The following ARID3A variants were observed in gnomAD, a reference collection of about 807,000 sequenced individuals.
ARID3A encodes the protein AT-rich interaction domain 3A, also known as AT-rich interactive domain-containing protein 3A.
In ARID3A, 11 loss-of-function variants were observed where a neutral mutation model predicts 52.7. That is an observed-to-expected ratio of 0.21 (90% confidence interval 0.13 to 0.35). The LOEUF (loss-of-function observed/expected upper bound fraction) is 0.35, where lower values mean the gene tolerates loss of function less well. ARID3A is among the 10% of genes least tolerant of loss of function. The probability of loss-of-function intolerance (pLI) is 1.00; values close to 1 mark genes in which losing one functional copy is unlikely to be tolerated. For synonymous variants in ARID3A, 404 were observed against 359.4 expected (o/e 1.12, Z -1.40); for missense variants, 721 against 838.5 (o/e 0.86, Z 1.73).
intron 3 of ARID3A, among the ~76,000 whole-genome samples, chr19:954,559 G>C (rs893081522): frequency 1.3e-5 from 2 of 152,254 alleles, no homozygotes; most frequent in Non-Finnish European, 2.9e-5. Flanking sequence ...GCAGACAGAC[G>C]AGAGACAAAT....
intron 2 of ARID3A, among the ~76,000 whole-genome samples, chr19:932,034 G>T: frequency 6.6e-6 from 1 of 151,526 alleles, no homozygotes; most frequent in Non-Finnish European, 1.5e-5. Context: ...CTTGCTCTGT[G>T]GCCCAGGCTG....
At chr19:940,315 A>G (rs1159573724) in intron 3 of ARID3A, among the ~76,000 whole-genome samples, 2 of 152,088 alleles carry the variant, frequency 1.3e-5, no homozygotes, top group Admixed American at 6.6e-5. Flanking sequence ...ATTGCAAAAA[A>G]ACTCTCATCG....
At chr19:955,577 G>A (rs349313) in intron 3 of ARID3A, among the ~76,000 whole-genome samples, 122,826 of 152,194 alleles carry the variant, frequency 0.81, 50,414 homozygotes, top group Middle Eastern at 0.89. Context: ...TTCCCCATCC[G>A]GGATGTGAGG....
At chr19:927,613 G>T (rs950344615) in intron 1 of ARID3A, among the ~76,000 whole-genome samples, 3 of 148,862 alleles carry the variant, frequency 2.0e-5, no homozygotes, top group African/African-American at 7.5e-5. Flanking sequence ...TTGTCTTGAA[G>T]TTGTCCCAGG....
Position 944,320 on chromosome 19 carries a change from CA to C in ARID3A, c.693+11579del, listed in dbSNP as rs917653005. 5.6e-5 allele frequency among the ~76,000 whole-genome samples: 8 copies of C among 142,692 alleles called. No individual in the cohort carries two copies. Among genetic ancestry groups the C allele is most frequent in the African/African-American group, 2.1e-4 (8 of 37,788 alleles). The allele number at this position is 142,692 out of a possible 152,430, so 93.6% of individuals were successfully genotyped here. ...GTGTGTCTGGCTGCAGGGGCGCGTC[CA>C]GGGGGTGTGTGTGTGTGTGTGTGTG... On this transcript the variant is annotated intron_variant, in intron 3 of 8. Coordinates refer to ENST00000263620, the MANE Select transcript of ARID3A (RefSeq NM_005224.3). The surrounding 1 kb of genome is among the most constrained non-coding windows in gnomAD (Gnocchi z 5.9).
At chr19:951,174 C>G (rs117687914) in intron 3 of ARID3A, among the ~76,000 whole-genome samples, 5,809 of 152,168 alleles carry the variant, frequency 0.038, 166 homozygotes, top group Non-Finnish European at 0.057. Context: ...TGAGGCTGAT[C>G]TCAAACTCCT....
chr19:940,865 A>T (rs1239658263), intron 3 of ARID3A, among the ~76,000 whole-genome samples: 1 of 151,848 alleles, frequency 6.6e-6, no homozygotes, highest in Non-Finnish European at 1.5e-5. Context: ...CGCCCGCCTC[A>T]TCAAAGCCAC....
chr19:965,955 G>A lies in ARID3A; in HGVS notation c.1199-617G>A, dbSNP rs554275436. 6.8e-5 allele frequency among the ~76,000 whole-genome samples: 10 copies of A among 146,608 alleles called. No homozygotes were observed. In the East Asian group the frequency reaches 1.6e-3, roughly 24 times the overall value. ...TGCGGTGAGCCAAGATCACGTCACT[G>A]CATTCCAGCCTCAGCGACAGAGTGA... is the stretch of plus-strand genomic sequence containing the variant. On this transcript the variant is annotated intron_variant, in intron 6 of 8. Coordinates refer to ENST00000263620, the MANE Select transcript of ARID3A (RefSeq NM_005224.3).
At chr19:969,484 T>C (rs1417105741) in intron 8 of ARID3A, among the ~76,000 whole-genome samples, 1 of 148,882 alleles carries the variant, frequency 6.7e-6, no homozygotes, top group African/African-American at 2.5e-5. Context: ...TTGCAGTGAG[T>C]CAAGATCACA....
chr19:940,523 G>C (rs2037527140), intron 3 of ARID3A, among the ~76,000 whole-genome samples: 1 of 152,086 alleles, frequency 6.6e-6, no homozygotes, highest in Non-Finnish European at 1.5e-5. Context: ...CCTTGGTCCA[G>C]GCAGGAGTAG....
intron 3 of ARID3A, chr19:956,621 C>G (rs1393521398): frequency 6.6e-6 from 1 of 152,304 alleles, no homozygotes; most frequent in Non-Finnish European, 1.5e-5. Flanking sequence ...CACCATAAAT[C>G]AGCGCAGGAA....
intron 1 of ARID3A, chr19:928,830 T>G (rs1231739344): frequency 1.3e-5 from 2 of 152,090 alleles, no homozygotes; most frequent in African/African-American, 4.8e-5. Context: ...CAACAGGCGC[T>G]CAATCTCCAG....
intron 3 of ARID3A, among the ~76,000 whole-genome samples, chr19:952,701 C>G (rs2037827287): frequency 6.6e-6 from 1 of 152,222 alleles, no homozygotes; most frequent in Admixed American, 6.5e-5. Context: ...CTGCCGTGGC[C>G]TCATCCCCAG....
rs545313972 is a variant in ARID3A, at chr19:972,566, G to A, written c.*501G>A. 7 of 217,754 alleles carry A rather than the reference G, an allele frequency of 3.2e-5. No individual in the cohort carries two copies. The South Asian group carries it at 7.5e-4, about 23-fold the overall frequency. The allele number at this position is 217,754 out of a possible 1,614,324, so 13.5% of individuals were successfully genotyped here. On this transcript the variant is annotated 3_prime_UTR_variant, in exon 9 of 9. Coordinates refer to ENST00000263620, the MANE Select transcript of ARID3A (RefSeq NM_005224.3). ...ACACACTCACCACTCCCAGCTTCTC[G>A]TGTCCAGTGAAACCCCTGAACCAAG...
Position 941,295 on chromosome 19 carries a change from C to T in ARID3A, c.693+8553C>T, listed in dbSNP as rs1348001841. On this transcript the variant is annotated intron_variant, in intron 3 of 8. Coordinates refer to ENST00000263620, the MANE Select transcript of ARID3A (RefSeq NM_005224.3). This position sits in a 1 kb window ranked among gnomAD's most constrained non-coding sequence, Gnocchi z 6.9. ...GCCGGGCGGCTCGTGGGTCCTGTCT[C>T]GTGGGACCCTGCCTGGGAGGGAATC... Among the ~76,000 whole-genome samples, 5 of 152,224 alleles carry T rather than the reference C, an allele frequency of 3.3e-5. No individual in the cohort carries two copies. Among genetic ancestry groups the T allele is most frequent in the Admixed American group, 6.5e-5 (1 of 15,280 alleles).
intron 3 of ARID3A, among the ~76,000 whole-genome samples, chr19:952,688 C>T (rs1219385262): frequency 6.6e-6 from 1 of 152,222 alleles, no homozygotes; most frequent in Non-Finnish European, 1.5e-5. Context: ...ACCCCTCCCA[C>T]CCCTGCCGTG....
chr19:933,204 G>A (rs2037369888), intron 3 of ARID3A, among the ~76,000 whole-genome samples: 1 of 152,124 alleles, frequency 6.6e-6, no homozygotes, highest in South Asian at 2.1e-4. Flanking sequence ...GCTGGCAGCC[G>A]AGGGGATGTG....
chr19:926,455 C>T (rs927060177), intron 1 of ARID3A, among the ~76,000 whole-genome samples: 6 of 149,910 alleles, frequency 4.0e-5, no homozygotes, highest in African/African-American at 7.4e-5. Context: ...GCGCGCCCCC[C>T]CCTCCCCAGC....
intron 7 of ARID3A, among the ~76,000 whole-genome samples, chr19:968,044 CA>C (rs34215155): frequency 5.6e-4 from 69 of 123,520 alleles, no homozygotes; most frequent in Admixed American, 6.8e-4. Context: ...GACTCCGTCT[CA>C]AAAAAAAAAA....
Sources: allele counts gnomAD v4.1 joint callset (sites outside exome capture counted in the v4.1 genomes callset), GRCh38; gene constraint gnomAD v4.1.1; non-coding constraint Gnocchi (gnomAD v3.1); transcripts MANE v1.5; gene names NCBI Gene and HGNC (gene_info 2026-07-23, HGNC 2026-07-21).